Variants in GSK3B observed in about 807,000 individuals in gnomAD.
GSK3B encodes glycogen synthase kinase 3 beta, also known as glycogen synthase kinase-3 beta.
GSK3B carries 15 observed loss-of-function variants against 56.4 expected under a neutral mutation model. The ratio of observed to expected loss-of-function variants is 0.27; its 90% CI spans 0.18 to 0.41. The LOEUF is 0.41. Ranked by LOEUF, GSK3B falls within the 10% of genes least tolerant of loss-of-function variation. The pLI, the probability that GSK3B is intolerant of heterozygous loss-of-function variation, is 1.00. For synonymous variants in GSK3B, 181 were observed against 188.9 expected, an observed-to-expected ratio of 0.96 and a Z score of 0.34; for missense variants, 300 against 513.4, an observed-to-expected ratio of 0.58 and a Z score of 4.02.
chr3:120,026,192 C>T (rs531399836), intron 1 of GSK3B, among the ~76,000 whole-genome samples: 1 of 152,074 alleles, frequency 6.6e-6, no homozygotes, highest in East Asian at 1.9e-4. Context: ...ACAATAAAAC[C>T]AGGTGCTCTC....
intron 1 of GSK3B, among the ~76,000 whole-genome samples, chr3:120,061,828 G>A (rs570622587): frequency 1.7e-3 from 264 of 152,318 alleles, no homozygotes; most frequent in African/African-American, 6.2e-3. Context: ...GGGGTCCTGA[G>A]TTCAAGCAAC....
chr3:119,876,541 C>A (rs945932989), intron 7 of GSK3B, 33 bp from the exon 8 acceptor site: 2 of 1,180,118 alleles, frequency 1.7e-6, no homozygotes, highest in Non-Finnish European at 2.5e-6. Context: ...CCATCTTTTC[C>A]TATATATTTA....
At chr3:119,853,265 C>T (rs1024170403) in intron 9 of GSK3B, among the ~76,000 whole-genome samples, 4 of 152,158 alleles carry the variant, frequency 2.6e-5, no homozygotes, top group Non-Finnish European at 5.9e-5. Context: ...GGGCTCTGTT[C>T]TGTTCCATTG....
chr3:120,031,746 C>G (rs759190122), intron 1 of GSK3B, among the ~76,000 whole-genome samples: 1 of 152,208 alleles, frequency 6.6e-6, no homozygotes, highest in African/African-American at 2.4e-5. Context: ...TCTTAAGCAA[C>G]CAGCCCTAAG....
intron 4 of GSK3B, among the ~76,000 whole-genome samples, chr3:119,922,567 A>T (rs2056854122): frequency 6.7e-6 from 1 of 150,072 alleles, no homozygotes; most frequent in Non-Finnish European, 1.5e-5. Flanking sequence ...CCATCCAAAG[A>T]ACTTCTATTA....
At chr3:120,082,572 T>G (rs2058429873) in intron 1 of GSK3B, among the ~76,000 whole-genome samples, 1 of 151,834 alleles carries the variant, frequency 6.6e-6, no homozygotes. Flanking sequence ...ATTTTCGTAT[T>G]TTTAGTAGAG....
Position 119,823,556 on chromosome 3 carries a change from GT to G in GSK3B, c.*3231del. On this transcript the variant is annotated 3_prime_UTR_variant, in exon 11 of 11. Transcript: ENST00000264235. ...GCATGGAAGGCTCCCAGAATCTGCTGTTTTTAAGACCCATGGTTAGGGCTTG... is the reference window on the plus strand; with the variant it reads ...GCATGGAAGGCTCCCAGAATCTGCTGTTTTAAGACCCATGGTTAGGGCTTG... 5.3e-6 allele frequency: 1 copy of G among 187,206 alleles called. No individual in the cohort carries two copies. The highest frequency in any genetic ancestry group is 1.1e-5 in the Non-Finnish European group (1 of 88,658). The allele number at this position is 187,206 out of a possible 1,614,324, so 11.6% of individuals were successfully genotyped here. A position where few individuals can be genotyped will look rare whatever the true frequency, so the allele number is the denominator to read the frequency against.
chr3:120,013,148 C>T (rs2057793899), intron 1 of GSK3B, among the ~76,000 whole-genome samples: 1 of 152,174 alleles, frequency 6.6e-6, no homozygotes. Flanking sequence ...GACCAATCCA[C>T]TCCACGATGA....
chr3:119,910,012 T>C (rs2056720058), intron 6 of GSK3B, among the ~76,000 whole-genome samples: 1 of 152,212 alleles, frequency 6.6e-6, no homozygotes, highest in Non-Finnish European at 1.5e-5. Flanking sequence ...GGAGATGGCA[T>C]GAAGGAAATG....
At chr3:119,915,964 G>A in intron 5 of GSK3B, 80 bp downstream of exon 5, 1 of 956,840 alleles carries the variant, frequency 1.0e-6, no homozygotes, top group South Asian at 1.6e-5. Flanking sequence ...GGCTGATATT[G>A]CAAAAGGAAT....
At chr3:119,959,192 G>A (rs1029734737) in intron 2 of GSK3B, among the ~76,000 whole-genome samples, 1 of 152,070 alleles carries the variant, frequency 6.6e-6, no homozygotes. Context: ...GAAGTAGCCA[G>A]AACTTAGTCT....
At chr3:120,026,550 CACAA>C (rs753423280) in intron 1 of GSK3B, among the ~76,000 whole-genome samples, 105 of 138,148 alleles carry the variant, frequency 7.6e-4, no homozygotes, top group Middle Eastern at 3.4e-3. Context: ...CACACACACA[CACAA>C]ACACACACAC....
intron 3 of GSK3B, among the ~76,000 whole-genome samples, chr3:119,946,902 A>T (rs58299321): frequency 0.026 from 3,933 of 152,060 alleles, 173 homozygotes; most frequent in African/African-American, 0.089. Flanking sequence ...TATCAACTTC[A>T]CTTAACAAAA....
In GSK3B at chr3:119,824,680, A is replaced by G. The variant is rs2055473313; in HGVS notation, c.*2108T>C. The G allele has an allele frequency of 5.1e-6, 1 of 194,878 alleles. No homozygotes were observed. Among genetic ancestry groups the G allele is most frequent in the East Asian group, 8.0e-5 (1 of 12,510 alleles). The allele number at this position is 194,878 out of a possible 1,614,324, so 12.1% of individuals were successfully genotyped here. A position where few individuals can be genotyped will look rare whatever the true frequency, so the allele number is the denominator to read the frequency against. On this transcript the variant is annotated 3_prime_UTR_variant, in exon 11 of 11. Transcript: ENST00000264235. ...CTTTCAAATCTTAGCTTTCAGAAGC[A>G]CTTTATAAAACATAAAATTCAATTT...
At chr3:120,086,975 C>T (rs1365581349) in intron 1 of GSK3B, among the ~76,000 whole-genome samples, 2 of 152,162 alleles carry the variant, frequency 1.3e-5, no homozygotes, top group African/African-American at 4.8e-5. Flanking sequence ...CCTATCCATT[C>T]CCCTGATCTG....
At chr3:119,928,326 C>G (rs1426366131) in intron 3 of GSK3B, among the ~76,000 whole-genome samples, 3 of 152,122 alleles carry the variant, frequency 2.0e-5, no homozygotes, top group Admixed American at 6.5e-5. Flanking sequence ...GGAGGAAAGG[C>G]CGGGCTTGGT....
At chr3:119,832,206 T>C (rs757667164) in intron 10 of GSK3B, among the ~76,000 whole-genome samples, 8 of 152,232 alleles carry the variant, frequency 5.3e-5, no homozygotes, top group Middle Eastern at 3.2e-3. Flanking sequence ...AGTAGCACTA[T>C]GGAGAGGGCC....
chr3:119,881,391 C>A (rs1212328919), intron 7 of GSK3B, among the ~76,000 whole-genome samples: 1 of 152,136 alleles, frequency 6.6e-6, no homozygotes, highest in Non-Finnish European at 1.5e-5. Context: ...AAAAGTAATT[C>A]TTCTAGCTCT....
At chr3:120,059,454 C>G (rs1237647709) in intron 1 of GSK3B, among the ~76,000 whole-genome samples, 1 of 152,188 alleles carries the variant, frequency 6.6e-6, no homozygotes, top group African/African-American at 2.4e-5. Flanking sequence ...AGTCTAAAAG[C>G]CTTCACACAA....
Sources: allele counts gnomAD v4.1 joint callset (sites outside exome capture counted in the v4.1 genomes callset), GRCh38; gene constraint gnomAD v4.1.1; transcripts MANE v1.5; gene names NCBI Gene and HGNC (gene_info 2026-07-23, HGNC 2026-07-21).